GLB1: variants seen among roughly 807,000 people sequenced by gnomAD.
GLB1 encodes the protein galactosidase beta 1.
A neutral mutation model predicts 74.0 loss-of-function variants in GLB1; 56 were observed. The ratio of observed to expected loss-of-function variants is 0.76; its 90% CI spans 0.61 to 0.94. The LOEUF (loss-of-function observed/expected upper bound fraction) is 0.94. GLB1 is among the 40% of genes least tolerant of loss of function. GLB1 has a pLI of 0.00. For synonymous variants in GLB1, 323 were observed against 323.6 expected, an observed-to-expected ratio of 1.00 and a Z score of 0.02; for missense variants, 787 against 845.5, an observed-to-expected ratio of 0.93 and a Z score of 0.86.
At chr3:32,979,359 C>T in the GLB1 span, among the ~76,000 whole-genome samples, 1 of 151,862 alleles carries the variant, frequency 6.6e-6, no homozygotes, top group Non-Finnish European at 1.5e-5. Flanking sequence ...ACTTTTCATC[C>T]CTGAGTTTAT....
intron 4 of GLB1, among the ~76,000 whole-genome samples, chr3:33,067,456 A>ATTTTTACAT (rs57166369): frequency 6.6e-6 from 1 of 151,654 alleles, no homozygotes; most frequent in South Asian, 2.1e-4. Context: ...CACCTGGCTA[A>ATTTTTACAT]TTTTTATAGA....
chr3:33,068,989 C>T lies in GLB1; in HGVS notation c.246-19G>A, dbSNP rs1380469426. 6.2e-7 allele frequency: 1 copy of T among 1,614,120 alleles called. No homozygotes were observed. The highest frequency in any genetic ancestry group is 1.1e-5 in the South Asian group (1 of 91,072). ...CACATACCTGCCAAGACACACACAG[C>T]CCCTTCCTGGATACTTGGCAGAGTC... On this transcript the variant is annotated intron_variant, in intron 2 of 15. Coordinates refer to ENST00000307363, the MANE Select transcript of GLB1 (RefSeq NM_000404.4).
At chr3:32,968,852 C>G in the GLB1 span, among the ~76,000 whole-genome samples, 1 of 152,356 alleles carries the variant, frequency 6.6e-6, no homozygotes, top group African/African-American at 2.4e-5. Context: ...AAAGTCATGG[C>G]ATCGCCCAGT....
intron 10 of GLB1, among the ~76,000 whole-genome samples, chr3:33,032,120 T>C (rs964790255): frequency 7.9e-5 from 12 of 152,082 alleles, no homozygotes; most frequent in East Asian, 3.9e-4. Flanking sequence ...TCTGTCTCCT[T>C]TGTGGGTTCT....
In GLB1 at chr3:33,082,861, G is replaced by A. The variant is rs753939293; in HGVS notation, c.76-10148C>T. Among the ~76,000 whole-genome samples the A allele has an allele frequency of 4.1e-4, 62 of 152,230 alleles. 1 individual carries two copies. The highest frequency in any genetic ancestry group is 4.6e-4 in the Admixed American group (7 of 15,298). On this transcript the variant is annotated intron_variant, in intron 1 of 15. Transcript: ENST00000307363. ...TGTTATTTGAACCAGGAGAGCAGGG[G>A]ACATGTCTCTGAAACAAAAACCTAG... is the stretch of plus-strand genomic sequence containing the variant.
At chr3:32,994,780 G>A (rs1429642984), downstream of GLB1, among the ~76,000 whole-genome samples, 1 of 152,226 alleles carries the variant, frequency 6.6e-6, no homozygotes, top group Admixed American at 6.5e-5. Context: ...AATTAGCTGG[G>A]CATGGTGATG....
In GLB1 at chr3:33,014,134, A is replaced by G. The variant is rs2125463110; in HGVS notation, c.1656T>C (p.Tyr552=). 4 of 1,614,176 alleles carry G rather than the reference A, an allele frequency of 2.5e-6. No individual in the cohort carries two copies. Among genetic ancestry groups the G allele is most frequent in the African/African-American group, 2.7e-5 (2 of 75,056 alleles). ...NSSNYTLPAF[Y]MGNFSIPSGI... is the part of the protein sequence containing the mutation. ...CACTGGGAATGGAGAAGTTCCCCAT[A>G]TAAAAGGCCGGGAGCGTGTAGTTGG... The change falls in exon 15 of 16, where the codon TAT becomes TAC. Residue 552 remains tyrosine, a synonymous_variant. Coordinates refer to ENST00000307363, the MANE Select transcript of GLB1 (RefSeq NM_000404.4).
intron 15 of GLB1, among the ~76,000 whole-genome samples, chr3:32,999,290 C>T (rs1168754718): frequency 6.6e-6 from 1 of 152,048 alleles, no homozygotes; most frequent in Non-Finnish European, 1.5e-5. Context: ...TAAAATCTGC[C>T]GGTGCCTTGT....
At chr3:32,975,713 T>C in the GLB1 span, among the ~76,000 whole-genome samples, 1 of 152,186 alleles carries the variant, frequency 6.6e-6, no homozygotes, top group African/African-American at 2.4e-5. Context: ...GGAAGAAATA[T>C]AGTTCTAAAA....
chr3:33,039,779 C>T (rs562035071), intron 10 of GLB1, among the ~76,000 whole-genome samples: 2 of 152,212 alleles, frequency 1.3e-5, no homozygotes, highest in South Asian at 4.1e-4. Flanking sequence ...AGTTCAAACA[C>T]CCTCAAACAA....
Position 33,018,254 on chromosome 3 carries a change from C to A in GLB1, c.1347+194G>T, listed in dbSNP as rs112116560. On this transcript the variant is annotated intron_variant, in intron 13 of 15. Transcript: ENST00000307363. The stretch of plus-strand genomic sequence containing the variant: ...TGAGCTGTGATTGCACCACTGCACT[C>A]CAGGCTGGGCAACAGAGCAAAACCC... Among the ~76,000 whole-genome samples the A allele has an allele frequency of 0.075, 9,962 of 132,052 alleles. 495 individuals are homozygous for A. The highest frequency in any genetic ancestry group is 0.27 in the East Asian group (1,199 of 4,496). The allele number at this position is 132,052 out of a possible 152,430, so 86.6% of individuals were successfully genotyped here.
At chr3:33,052,494 T>C (rs1317242196) in intron 7 of GLB1, among the ~76,000 whole-genome samples, 1 of 152,126 alleles carries the variant, frequency 6.6e-6, no homozygotes, top group Non-Finnish European at 1.5e-5. Context: ...TAGCTGGGCA[T>C]CGTGGTGCGC....
intron 1 of GLB1, among the ~76,000 whole-genome samples, chr3:33,082,243 G>GA (rs1283964001): frequency 1.4e-3 from 202 of 143,852 alleles, no homozygotes; most frequent in African/African-American, 5.3e-3. Context: ...CCTTTTCACA[G>GA]AGAGTCCAAC....
chr3:32,976,712 A>C, the GLB1 span, among the ~76,000 whole-genome samples: 3 of 152,196 alleles, frequency 2.0e-5, no homozygotes, highest in East Asian at 5.8e-4. Flanking sequence ...CCTTCCTCAG[A>C]AGCTGGATGT....
At chr3:32,966,750 G>A in the GLB1 span, among the ~76,000 whole-genome samples, 1 of 152,170 alleles carries the variant, frequency 6.6e-6, no homozygotes, top group Non-Finnish European at 1.5e-5. Context: ...CCCGGTGGGA[G>A]GTAATTTAAT....
chr3:33,070,830 G>T (rs1389100940), intron 2 of GLB1, among the ~76,000 whole-genome samples: 6 of 152,094 alleles, frequency 3.9e-5, no homozygotes, highest in Non-Finnish European at 7.3e-5. Context: ...AGGTGACAGA[G>T]CAAGACCCCA....
At chr3:33,084,376 A>C (rs1260153869) in intron 1 of GLB1, among the ~76,000 whole-genome samples, 1 of 152,242 alleles carries the variant, frequency 6.6e-6, no homozygotes, top group Non-Finnish European at 1.5e-5. Flanking sequence ...AGAGCCTTCC[A>C]AATACCACAT....
chr3:33,048,218 C>T (rs1031355393), intron 9 of GLB1, among the ~76,000 whole-genome samples: 3 of 152,184 alleles, frequency 2.0e-5, no homozygotes, highest in African/African-American at 4.8e-5. Flanking sequence ...CGAGGGAGCC[C>T]AGGCTGGGAA....
At chr3:33,034,530 C>G (rs1042816302) in intron 10 of GLB1, 6 of 732,086 alleles carry the variant, frequency 8.2e-6, no homozygotes, top group Non-Finnish European at 1.5e-5. Context: ...CCCACCAGCA[C>G]CATTGCCAGC....
Sources: allele counts gnomAD v4.1 joint callset (sites outside exome capture counted in the v4.1 genomes callset), GRCh38; gene constraint gnomAD v4.1.1; transcripts MANE v1.5; gene names NCBI Gene and HGNC (gene_info 2026-07-23, HGNC 2026-07-21).